CDH12: variants seen among roughly 807,000 people sequenced by gnomAD.
CDH12 encodes the protein cadherin-12.
A neutral mutation model predicts 74.1 loss-of-function variants in CDH12; 41 were observed. The ratio of observed to expected loss-of-function variants is 0.55; its 90% CI spans 0.43 to 0.72. CDH12 has a LOEUF of 0.72. CDH12 is among the 30% of genes least tolerant of loss of function. CDH12 has a pLI of 0.00. For synonymous variants in CDH12, 399 were observed against 355.0 expected (o/e 1.12, Z -1.39); for missense variants, 945 against 977.2 (o/e 0.97, Z 0.44).
intron 4 of CDH12, among the ~76,000 whole-genome samples, chr5:22,169,187 T>A (rs1325058535): frequency 2.0e-5 from 3 of 149,490 alleles, no homozygotes; most frequent in Non-Finnish European, 4.5e-5. Context: ...TCTTTTGGTT[T>A]GTCTTTCTGT....
intron 13 of CDH12, among the ~76,000 whole-genome samples, chr5:21,759,111 C>G (rs538708854): frequency 6.6e-6 from 1 of 152,154 alleles, no homozygotes; most frequent in East Asian, 1.9e-4. Flanking sequence ...TTCAGTGCTG[C>G]ACCTGAATCT....
At chr5:22,661,607 G>A (rs1204946541) in intron 1 of CDH12, among the ~76,000 whole-genome samples, 1 of 151,970 alleles carries the variant, frequency 6.6e-6, no homozygotes, top group Non-Finnish European at 1.5e-5. Flanking sequence ...TCAATGGTAA[G>A]ATTTTTACCA....
chr5:22,483,131 A>C (rs1241053771), intron 2 of CDH12, among the ~76,000 whole-genome samples: 2 of 152,170 alleles, frequency 1.3e-5, no homozygotes, highest in Non-Finnish European at 2.9e-5. Flanking sequence ...AGAAAAGAAA[A>C]TACAGGCTTT....
intron 8 of CDH12, among the ~76,000 whole-genome samples, chr5:21,817,736 T>C (rs1748140221): frequency 6.6e-6 from 1 of 151,978 alleles, no homozygotes; most frequent in African/African-American, 2.4e-5. Flanking sequence ...TTTAGTGAAT[T>C]TTAACTTGTC....
At chr5:22,137,846 G>A (rs1580307703) in intron 4 of CDH12, among the ~76,000 whole-genome samples, 1 of 152,122 alleles carries the variant, frequency 6.6e-6, no homozygotes. Context: ...TTAGGCTGGA[G>A]AAGCACCTGC....
At position 22,435,128 on chromosome 5, in the gene CDH12, A is replaced by T. The variant is rs1274841950; in HGVS notation, c.-427-29777T>A. Among the ~76,000 whole-genome samples the T allele has an allele frequency of 2.0e-5, 3 of 152,098 alleles. No individual in the cohort carries two copies. In the East Asian group the frequency reaches 5.8e-4, roughly 29 times the overall value. Reference sequence around the variant, plus strand: ...TTGAGTCAGCGGCTGGGAAAGGTAGACCTACCCTTAATCTGTGTGTGCACC... The same window carrying T: ...TTGAGTCAGCGGCTGGGAAAGGTAGTCCTACCCTTAATCTGTGTGTGCACC... On this transcript the variant is annotated intron_variant, in intron 2 of 14. Transcript: ENST00000382254.
At chr5:22,650,767 T>C (rs1739693070) in intron 1 of CDH12, among the ~76,000 whole-genome samples, 1 of 151,928 alleles carries the variant, frequency 6.6e-6, no homozygotes, top group African/African-American at 2.4e-5. Context: ...GGGACACGTG[T>C]ACAACATCAA....
intron 9 of CDH12, among the ~76,000 whole-genome samples, chr5:21,812,765 A>G (rs1372573913): frequency 6.6e-6 from 1 of 152,168 alleles, no homozygotes; most frequent in African/African-American, 2.4e-5. Flanking sequence ...AAGTTTCATT[A>G]CAAAAATGTC....
chr5:22,328,566 T>G (rs1023353639), intron 3 of CDH12, among the ~76,000 whole-genome samples: 6 of 152,140 alleles, frequency 3.9e-5, no homozygotes, highest in African/African-American at 1.4e-4. Context: ...TTTTAAACAC[T>G]AGGTGAGAGT....
intron 3 of CDH12, among the ~76,000 whole-genome samples, chr5:22,386,814 A>G (rs1246057777): frequency 6.6e-6 from 1 of 151,984 alleles, no homozygotes; most frequent in Non-Finnish European, 1.5e-5. Context: ...GCTAAAAATA[A>G]AAGTCTTAAT....
At chr5:21,765,673 A>C (rs1744983234) in intron 11 of CDH12, among the ~76,000 whole-genome samples, 1 of 152,126 alleles carries the variant, frequency 6.6e-6, no homozygotes, top group Non-Finnish European at 1.5e-5. Flanking sequence ...GGTGATAAAA[A>C]AGGAAGTAAT....
intron 1 of CDH12, among the ~76,000 whole-genome samples, chr5:22,813,407 C>G (rs1015664166): frequency 1.3e-5 from 2 of 152,134 alleles, no homozygotes; most frequent in Non-Finnish European, 2.9e-5. Context: ...AAAAGTTTTT[C>G]TTTCGTCTCA....
At chr5:22,604,261 T>A (rs1346248203) in intron 1 of CDH12, among the ~76,000 whole-genome samples, 1 of 152,212 alleles carries the variant, frequency 6.6e-6, no homozygotes, top group Non-Finnish European at 1.5e-5. Flanking sequence ...TTGAGGCATA[T>A]GCTATTTATT....
chr5:22,287,388 A>T (rs1487005169), intron 3 of CDH12, among the ~76,000 whole-genome samples: 2 of 152,180 alleles, frequency 1.3e-5, no homozygotes, highest in Admixed American at 1.3e-4. Context: ...ATTACCAAAT[A>T]TAAATTTTAT....
At chr5:22,578,816 CT>C (rs1369920531) in intron 1 of CDH12, among the ~76,000 whole-genome samples, 2 of 152,082 alleles carry the variant, frequency 1.3e-5, no homozygotes, top group African/African-American at 2.4e-5. Context: ...TGCTATTTAA[CT>C]TGATCCGATC....
At chr5:22,461,810 T>C (rs1745537928) in intron 2 of CDH12, among the ~76,000 whole-genome samples, 1 of 151,910 alleles carries the variant, frequency 6.6e-6, no homozygotes, top group Non-Finnish European at 1.5e-5. Context: ...TTTTCATTTT[T>C]GTCATTATAC....
chr5:22,107,162 TG>T (rs1214193573), intron 4 of CDH12, among the ~76,000 whole-genome samples: 2 of 151,826 alleles, frequency 1.3e-5, no homozygotes, highest in African/African-American at 4.8e-5. Flanking sequence ...GATGGATTTT[TG>T]CTCTTGTTGC....
intron 3 of CDH12, among the ~76,000 whole-genome samples, chr5:22,325,738 A>T (rs928646927): frequency 1.3e-5 from 2 of 152,022 alleles, no homozygotes; most frequent in Non-Finnish European, 2.9e-5. Context: ...TACAAAAAAA[A>T]TCTACTAAAA....
At chr5:22,233,771 C>T (rs1337516725) in intron 3 of CDH12, among the ~76,000 whole-genome samples, 3 of 152,094 alleles carry the variant, frequency 2.0e-5, no homozygotes, top group Non-Finnish European at 4.4e-5. Flanking sequence ...CCTATAAATT[C>T]CAAGACAACA....
Sources: allele counts gnomAD v4.1 joint callset (sites outside exome capture counted in the v4.1 genomes callset), GRCh38; gene constraint gnomAD v4.1.1; transcripts MANE v1.5; gene names NCBI Gene and HGNC (gene_info 2026-07-23, HGNC 2026-07-21).